RFX3: variants seen among roughly 807,000 people sequenced by gnomAD.
RFX3 encodes transcription factor RFX3.
RFX3 carries 14 observed loss-of-function variants against 98.6 expected under a neutral mutation model. The observed-to-expected ratio is 0.14, with a 90% CI of 0.09 to 0.22. RFX3 has a LOEUF of 0.22. Ranked by LOEUF, RFX3 falls within the 10% of genes least tolerant of loss-of-function variation. The pLI, the probability that RFX3 is intolerant of heterozygous loss-of-function variation, is 1.00. For synonymous variants in RFX3, 383 were observed against 328.4 expected (o/e 1.17, Z -1.80); for missense variants, 639 against 926.9 (o/e 0.69, Z 4.03).
At chr9:3,228,954 T>C (rs1818122127) in intron 15 of RFX3, 65 bp from the exon 16 acceptor site, 3 of 1,428,428 alleles carry the variant, frequency 2.1e-6, no homozygotes, top group Non-Finnish European at 2.9e-6. Flanking sequence ...ACTCTATCAG[T>C]CTGTAGTAAA....
intron 2 of RFX3, among the ~76,000 whole-genome samples, chr9:3,382,833 T>C (rs1170027055): frequency 1.3e-5 from 2 of 152,164 alleles, no homozygotes; most frequent in Non-Finnish European, 2.9e-5. Context: ...TCGCTATATA[T>C]TTCTCTAGGT....
intron 1 of RFX3, among the ~76,000 whole-genome samples, chr9:3,505,602 C>T (rs1817007589): frequency 6.7e-6 from 1 of 149,416 alleles, no homozygotes; most frequent in African/African-American, 2.5e-5. Context: ...AACAGGAAGG[C>T]CAGCAGCTAC....
At chr9:3,479,966 GT>G (rs1849603501) in intron 1 of RFX3, among the ~76,000 whole-genome samples, 1 of 152,194 alleles carries the variant, frequency 6.6e-6, no homozygotes, top group South Asian at 2.1e-4. Flanking sequence ...TTGTTAGCTG[GT>G]ATTGGCAAGC....
intron 1 of RFX3, among the ~76,000 whole-genome samples, chr9:3,427,271 T>C (rs1844152516): frequency 6.9e-6 from 1 of 144,116 alleles, no homozygotes; most frequent in Admixed American, 7.1e-5. Flanking sequence ...TATATATATA[T>C]TTTATTATAT....
At chr9:3,379,116 G>A (rs908746883) in intron 2 of RFX3, among the ~76,000 whole-genome samples, 1 of 152,142 alleles carries the variant, frequency 6.6e-6, no homozygotes, top group African/African-American at 2.4e-5. Context: ...GTGCATGCAA[G>A]GTTGGACTAC....
chr9:3,492,143 T>C (rs1245832707), intron 1 of RFX3, among the ~76,000 whole-genome samples: 2 of 152,208 alleles, frequency 1.3e-5, no homozygotes, highest in Non-Finnish European at 2.9e-5. Context: ...CTGGAGGATA[T>C]AACGGTGAGC....
chr9:3,227,888 G>A (rs1355832752), intron 16 of RFX3, among the ~76,000 whole-genome samples: 2 of 151,996 alleles, frequency 1.3e-5, no homozygotes, highest in Non-Finnish European at 2.9e-5. Flanking sequence ...TGCACACTTT[G>A]GCGAATAGCG....
intron 1 of RFX3, among the ~76,000 whole-genome samples, chr9:3,398,215 A>G (rs1485159481): frequency 1.3e-5 from 2 of 152,144 alleles, no homozygotes; most frequent in African/African-American, 4.8e-5. Context: ...ATTTTTTACT[A>G]CACAAAATTC....
At chr9:3,439,522 T>C (rs1395316380) in intron 1 of RFX3, among the ~76,000 whole-genome samples, 1 of 152,014 alleles carries the variant, frequency 6.6e-6, no homozygotes, top group Admixed American at 6.6e-5. Context: ...TTAACAACTT[T>C]ATGCCAATAA....
At chr9:3,506,969 T>C (rs1020220195) in intron 1 of RFX3, among the ~76,000 whole-genome samples, 1 of 151,946 alleles carries the variant, frequency 6.6e-6, no homozygotes, top group African/African-American at 2.4e-5. Flanking sequence ...TTTTAAATAG[T>C]GAAATGTGTT....
intron 2 of RFX3, among the ~76,000 whole-genome samples, chr9:3,367,454 G>A (rs1837340724): frequency 6.6e-6 from 1 of 152,156 alleles, no homozygotes; most frequent in African/African-American, 2.4e-5. Flanking sequence ...TTTCAGTCTT[G>A]TGAGACATGG....
chr9:3,344,985 G>A (rs1344595632), intron 3 of RFX3: 2 of 598,498 alleles, frequency 3.3e-6, no homozygotes, highest in African/African-American at 1.9e-5. Context: ...TTTATTATGT[G>A]CCAATCACCT....
At chr9:3,435,375 T>C (rs12346363) in intron 1 of RFX3, among the ~76,000 whole-genome samples, 25,252 of 151,902 alleles carry the variant, frequency 0.17, 2,940 homozygotes, top group African/African-American at 0.33. Flanking sequence ...CGTAATCTTT[T>C]TGTATATTTA....
At chr9:3,293,858 AC>A (rs1431793798) in intron 5 of RFX3, among the ~76,000 whole-genome samples, 2 of 152,248 alleles carry the variant, frequency 1.3e-5, no homozygotes, top group Non-Finnish European at 2.9e-5. Context: ...AAATAAACTG[AC>A]AAGACATTGG....
At chr9:3,228,511 A>G (rs941350181) in intron 16 of RFX3, among the ~76,000 whole-genome samples, 4 of 152,220 alleles carry the variant, frequency 2.6e-5, no homozygotes, top group Non-Finnish European at 5.9e-5. Context: ...GCCTTGAATA[A>G]AAATGTCTCA....
At chr9:3,341,197 T>G (rs907998057) in intron 3 of RFX3, among the ~76,000 whole-genome samples, 1 of 151,612 alleles carries the variant, frequency 6.6e-6, no homozygotes, top group Admixed American at 6.6e-5. Context: ...AGGCGGGAAT[T>G]GAACAATGAG....
chr9:3,270,278 A>T (rs1824257306), intron 11 of RFX3, 93 bp downstream of exon 11: 1 of 1,270,054 alleles, frequency 7.9e-7, no homozygotes, highest in Non-Finnish European at 1.1e-6. Flanking sequence ...AAATGAAATT[A>T]GAATCATTCT....
At chr9:3,262,783 A>G (rs1029292925) in intron 13 of RFX3, 152 bp downstream of exon 13, 1 of 747,492 alleles carries the variant, frequency 1.3e-6, no homozygotes, top group Non-Finnish European at 2.2e-6. Context: ...CTACAGCTGT[A>G]TCTGGGTCAA....
rs369640183 is a variant in RFX3 at position 3,224,848 on chromosome 9, G to A, written c.*194C>T. 2.1e-6 allele frequency: 1 copy of A among 485,300 alleles called. No individual in the cohort carries two copies. Among genetic ancestry groups the A allele is most frequent in the Admixed American group, 3.8e-5 (1 of 26,490 alleles). The allele number at this position is 485,300 out of a possible 1,614,324, so 30.1% of individuals were successfully genotyped here. A position where few individuals can be genotyped will look rare whatever the true frequency, so the allele number is the denominator to read the frequency against. On this transcript the variant is annotated 3_prime_UTR_variant, in exon 17 of 17. Coordinates refer to ENST00000617270, the MANE Select transcript of RFX3 (RefSeq NM_001282116.2). ...AAGGGAAAAAATTCATTATTAAGAAGCAAATAATTTGTTTACGTTAAAAAA... is the reference window on the plus strand; with the variant it reads ...AAGGGAAAAAATTCATTATTAAGAAACAAATAATTTGTTTACGTTAAAAAA...
Sources: allele counts gnomAD v4.1 joint callset (sites outside exome capture counted in the v4.1 genomes callset), GRCh38; gene constraint gnomAD v4.1.1; transcripts MANE v1.5; gene names NCBI Gene and HGNC (gene_info 2026-07-23, HGNC 2026-07-21).